Variants in NR4A3 observed in about 807,000 individuals in gnomAD.
NR4A3 encodes chondrosarcoma, extraskeletal myxoid, fused to EWS.
In NR4A3, 13 loss-of-function variants were observed where a neutral mutation model predicts 55.6. That is an observed-to-expected ratio of 0.23 (90% CI 0.15 to 0.37). The LOEUF is 0.37. Among genes scored for constraint, NR4A3 ranks in the 10% least tolerant of loss-of-function variants. The probability of loss-of-function intolerance (pLI) is 1.00; values close to 1 mark genes in which losing one functional copy is unlikely to be tolerated. For missense variants in NR4A3, 646 were observed against 822.8 expected (o/e 0.79, Z 2.63); for synonymous variants, 342 against 357.9 (o/e 0.96, Z 0.50).
rs1346129983 is a variant in NR4A3, at chr9:99,822,107, G to C, written c.-477G>C. The C allele has an allele frequency of 6.5e-6, 1 of 152,894 alleles. No individual in the cohort carries two copies. The highest frequency in any genetic ancestry group is 1.5e-5 in the Non-Finnish European group (1 of 68,234). 9.5% of individuals were successfully genotyped at this position (152,894 alleles called of 1,614,324 possible). ...GTGCAGCGCGGCGCCGCAGCTGGACGCCCCTCCCGGGCTCACTTTGCAACG... is the reference window on the plus strand; with the variant it reads ...GTGCAGCGCGGCGCCGCAGCTGGACCCCCCTCCCGGGCTCACTTTGCAACG... On this transcript the variant is annotated 5_prime_UTR_variant, in exon 1 of 8. Transcript: ENST00000395097. This position sits in a 1 kb window ranked among gnomAD's most constrained non-coding sequence, Gnocchi z 4.9.
At chr9:99,859,940 A>T (rs1182113374) in intron 7 of NR4A3, among the ~76,000 whole-genome samples, 5 of 152,178 alleles carry the variant, frequency 3.3e-5, no homozygotes, top group Non-Finnish European at 7.3e-5. Flanking sequence ...TTTCATTATT[A>T]ATTCAATTTA....
intron 7 of NR4A3, among the ~76,000 whole-genome samples, chr9:99,853,308 T>C (rs555411883): frequency 1.2e-3 from 178 of 147,950 alleles, no homozygotes; most frequent in African/African-American, 4.3e-3. Context: ...ATACACATTG[T>C]GTTAGGGAAT....
At chr9:99,835,300 G>A (rs1827539181) in intron 5 of NR4A3, among the ~76,000 whole-genome samples, 2 of 152,160 alleles carry the variant, frequency 1.3e-5, no homozygotes, top group South Asian at 2.1e-4. Flanking sequence ...AACTGGGAGA[G>A]GCTAAAGGGC....
At position 99,865,838 on chromosome 9, in the gene NR4A3, A is replaced by G; in HGVS notation, c.*1971A>G. 4.7e-6 allele frequency: 1 copy of G among 212,048 alleles called. No homozygotes were observed. The highest frequency in any genetic ancestry group is 7.1e-5 in the East Asian group (1 of 14,088). 13.1% of individuals were successfully genotyped at this position (212,048 alleles called of 1,614,324 possible). A position where few individuals can be genotyped will look rare whatever the true frequency, so the allele number is the denominator to read the frequency against. ...GAAAGATTGTTATTTTTATATATCA[A>G]GATGATAGAACCTGGAATGTTAGGA... On this transcript the variant is annotated 3_prime_UTR_variant, in exon 8 of 8. Coordinates refer to ENST00000395097, the MANE Select transcript of NR4A3 (RefSeq NM_006981.4). This position sits in a 1 kb window ranked among gnomAD's most constrained non-coding sequence, Gnocchi z 4.3.
chr9:99,860,937 A>G (rs1308074590), intron 7 of NR4A3, among the ~76,000 whole-genome samples: 1 of 152,236 alleles, frequency 6.6e-6, no homozygotes, highest in Non-Finnish European at 1.5e-5. Flanking sequence ...TTATCATTGT[A>G]CTTTTTCTTT....
At chr9:99,847,192 G>T (rs1268223809) in intron 6 of NR4A3, among the ~76,000 whole-genome samples, 2 of 152,190 alleles carry the variant, frequency 1.3e-5, no homozygotes, top group Non-Finnish European at 2.9e-5. Flanking sequence ...AAGATAGCAG[G>T]TGCCACAGCC....
chr9:99,833,103 C>T (rs575683424), intron 4 of NR4A3, among the ~76,000 whole-genome samples, 179 bp from the exon 5 acceptor site: 154 of 152,246 alleles, frequency 1.0e-3, no homozygotes, highest in African/African-American at 3.6e-3. Flanking sequence ...TTTTATGCTG[C>T]TTGTTTCAAC....
At chr9:99,826,846 A>G (rs775270980) in intron 2 of NR4A3, 10 of 1,553,308 alleles carry the variant, frequency 6.4e-6, no homozygotes, top group Non-Finnish European at 8.9e-6. Flanking sequence ...TCACTTCTCT[A>G]TTAGTCACAC....
At position 99,865,451 on chromosome 9, in the gene NR4A3, T is replaced by C. The variant is rs1167499946; in HGVS notation, c.*1584T>C. ...TTTAAGGCAGTACTGTTTAGCACTT[T>C]GATATTAAAATTTTGCTTATGTTTT... On this transcript the variant is annotated 3_prime_UTR_variant, in exon 8 of 8. Transcript: ENST00000395097. The surrounding 1 kb of genome is among the most constrained non-coding windows in gnomAD (Gnocchi z 4.3). 1 of 182,534 alleles carries C rather than the reference T, an allele frequency of 5.5e-6. No individual in the cohort carries two copies. Among genetic ancestry groups the C allele is most frequent in the Non-Finnish European group, 1.2e-5 (1 of 85,456 alleles). The allele number at this position is 182,534 out of a possible 1,614,324, so 11.3% of individuals were successfully genotyped here.
At chr9:99,850,317 G>A (rs1046997800) in intron 7 of NR4A3, among the ~76,000 whole-genome samples, 1 of 152,208 alleles carries the variant, frequency 6.6e-6, no homozygotes, top group Admixed American at 6.5e-5. Context: ...GTCCAGGTGT[G>A]AGAGCCATGA....
intron 7 of NR4A3, among the ~76,000 whole-genome samples, chr9:99,857,880 C>T (rs569942869): frequency 2.6e-5 from 4 of 152,290 alleles, no homozygotes; most frequent in African/African-American, 9.6e-5. Context: ...AAGTTCTTTA[C>T]TGTTGTTAGC....
chr9:99,845,078 G>T (rs1462214225), intron 6 of NR4A3, among the ~76,000 whole-genome samples: 1 of 152,178 alleles, frequency 6.6e-6, no homozygotes, highest in Non-Finnish European at 1.5e-5. Flanking sequence ...CCCTGAGCAG[G>T]TCACTTGCCT....
At chr9:99,839,980 T>G (rs1376361721) in intron 5 of NR4A3, among the ~76,000 whole-genome samples, 1 of 152,226 alleles carries the variant, frequency 6.6e-6, no homozygotes, top group Non-Finnish European at 1.5e-5. Flanking sequence ...CCTAAACTGG[T>G]AGGCCAGGCA....
intron 3 of NR4A3, among the ~76,000 whole-genome samples, chr9:99,830,504 G>C (rs557728001): frequency 5.7e-4 from 86 of 149,968 alleles, no homozygotes; most frequent in African/African-American, 1.9e-3. Context: ...TTGATCTTCA[G>C]ATTGTAAATA....
At chr9:99,861,270 A>G (rs1314045084) in intron 7 of NR4A3, among the ~76,000 whole-genome samples, 1 of 152,258 alleles carries the variant, frequency 6.6e-6, no homozygotes, top group Non-Finnish European at 1.5e-5. Context: ...CTGTAAGCCC[A>G]GCACTTTGGG....
intron 5 of NR4A3, among the ~76,000 whole-genome samples, chr9:99,840,089 C>T (rs746576969): frequency 2.6e-5 from 4 of 152,250 alleles, no homozygotes; most frequent in Non-Finnish European, 5.9e-5. Context: ...ACCCTCCAGT[C>T]ACCCCCAAGT....
At chr9:99,836,541 G>A (rs983049573) in intron 5 of NR4A3, among the ~76,000 whole-genome samples, 4 of 152,216 alleles carry the variant, frequency 2.6e-5, no homozygotes, top group African/African-American at 9.6e-5. Context: ...TGTAATGGAT[G>A]ATTGGGGGAA....
intron 1 of NR4A3, among the ~76,000 whole-genome samples, chr9:99,824,020 GAGAA>G (rs1366063833): frequency 3.3e-5 from 5 of 152,058 alleles, no homozygotes; most frequent in Non-Finnish European, 5.9e-5. Flanking sequence ...GTCTGCCCAC[GAGAA>G]AGAAAGGGGC....
Position 99,863,858 on chromosome 9 carries a change from AC to A in NR4A3, c.1874del (p.Pro625LeufsTer25). The A allele has an allele frequency of 6.2e-7, 1 of 1,612,770 alleles. No individual in the cohort carries two copies. Among genetic ancestry groups the A allele is most frequent in the Non-Finnish European group, 8.5e-7 (1 of 1,179,248 alleles). ...IIDKLFLDTL[P>X]F ...TTGACAAGCTCTTCCTGGACACCCT[AC>A]CTTTCTAATCAGGAGCAGTGGAGCA... On this transcript the variant is annotated frameshift_variant, in exon 8 of 8. Transcript: ENST00000395097. LOFTEE classifies it high-confidence loss of function.
Sources: allele counts gnomAD v4.1 joint callset (sites outside exome capture counted in the v4.1 genomes callset), GRCh38; gene constraint gnomAD v4.1.1; non-coding constraint Gnocchi (gnomAD v3.1); transcripts MANE v1.5; gene names NCBI Gene and HGNC (gene_info 2026-07-23, HGNC 2026-07-21).